FAR2: variants seen among roughly 807,000 people sequenced by gnomAD.
The protein encoded by FAR2 is epididymis secretory protein Li 81.
In FAR2, 19 loss-of-function variants were observed where a neutral mutation model predicts 56.0. That is an observed-to-expected ratio of 0.34 (90% CI 0.24 to 0.50). The LOEUF (loss-of-function observed/expected upper bound fraction) is 0.50, where lower values mean the gene tolerates loss of function less well. Ranked by LOEUF, FAR2 falls within the 20% of genes least tolerant of loss-of-function variation. FAR2 has a pLI of 0.98. For missense variants in FAR2, 508 were observed against 642.2 expected (o/e 0.79, Z 2.26); for synonymous variants, 219 against 218.8 (o/e 1.00, Z -0.01).
At chr12:29,269,320 G>C (rs1948574603) in intron 1 of FAR2, among the ~76,000 whole-genome samples, 1 of 152,174 alleles carries the variant, frequency 6.6e-6, no homozygotes, top group Admixed American at 6.5e-5. Flanking sequence ...TGAAAGAAGA[G>C]AAATATGGCT....
At chr12:29,256,539 G>T (rs933623160) in intron 1 of FAR2, among the ~76,000 whole-genome samples, 7 of 152,218 alleles carry the variant, frequency 4.6e-5, no homozygotes, top group African/African-American at 1.7e-4. Flanking sequence ...TCCCACTTTG[G>T]CGGCACTTGA....
At chr12:29,174,941 C>T (rs764125301) in intron 1 of FAR2, among the ~76,000 whole-genome samples, 8 of 152,256 alleles carry the variant, frequency 5.3e-5, no homozygotes, top group South Asian at 2.1e-4. Flanking sequence ...TGGTGACCCT[C>T]GGCTCAGCCC....
chr12:29,303,150 C>T (rs971246108), intron 4 of FAR2, among the ~76,000 whole-genome samples: 3 of 152,008 alleles, frequency 2.0e-5, no homozygotes, highest in African/African-American at 4.8e-5. Context: ...CTGATTTGCC[C>T]GACTGTTGGA....
intron 1 of FAR2, among the ~76,000 whole-genome samples, chr12:29,223,338 G>A (rs1306594887): frequency 6.6e-6 from 1 of 152,214 alleles, no homozygotes; most frequent in Non-Finnish European, 1.5e-5. Flanking sequence ...ACATAAAACT[G>A]GGAGGTAGGT....
chr12:29,309,247 A>G lies in FAR2; in HGVS notation c.768+17A>G, dbSNP rs751129827. 1 of 1,573,394 alleles carries G rather than the reference A, an allele frequency of 6.4e-7. No homozygotes were observed. The highest frequency in any genetic ancestry group is 1.1e-5 in the South Asian group (1 of 89,492). ...ATTATTGCGGTATGTATAATGATGAAGAAATAACTCCCTGAAATGTAGTAG... is the reference window on the plus strand; with the variant it reads ...ATTATTGCGGTATGTATAATGATGAGGAAATAACTCCCTGAAATGTAGTAG... On this transcript the variant is annotated intron_variant, in intron 6 of 11. Transcript: ENST00000536681.
At chr12:29,268,906 T>C (rs1948565816) in intron 1 of FAR2, among the ~76,000 whole-genome samples, 1 of 151,948 alleles carries the variant, frequency 6.6e-6, no homozygotes, top group Admixed American at 6.6e-5. Flanking sequence ...GGAGGGAGTG[T>C]GCAAATAGGT....
chr12:29,161,799 G>C (rs1420587200), intron 1 of FAR2, among the ~76,000 whole-genome samples: 1 of 152,152 alleles, frequency 6.6e-6, no homozygotes, highest in Non-Finnish European at 1.5e-5. Context: ...CTTATTTTCT[G>C]TCATTTTCAT....
At chr12:29,235,323 G>C (rs1270846533) in intron 1 of FAR2, among the ~76,000 whole-genome samples, 2 of 152,152 alleles carry the variant, frequency 1.3e-5, no homozygotes, top group East Asian at 3.8e-4. Context: ...CAATAGCTGG[G>C]ATTTAATAAG....
chr12:29,217,984 AGAGGAGGAGGAG>A (rs143213052), intron 1 of FAR2, among the ~76,000 whole-genome samples: 7 of 151,298 alleles, frequency 4.6e-5, no homozygotes, highest in Non-Finnish European at 7.4e-5. Flanking sequence ...AAGAAGACAA[AGAGGAGGAGGAG>A]GAGGAGGAGG....
chr12:29,257,026 G>A (rs922360160), intron 1 of FAR2, among the ~76,000 whole-genome samples: 6 of 152,382 alleles, frequency 3.9e-5, no homozygotes, highest in East Asian at 3.9e-4. Flanking sequence ...TGAGGAGTGC[G>A]GGTGCACGGC....
chr12:29,210,707 A>C (rs1162901910), intron 1 of FAR2, among the ~76,000 whole-genome samples: 1 of 152,160 alleles, frequency 6.6e-6, no homozygotes, highest in Non-Finnish European at 1.5e-5. Flanking sequence ...TAATCCCAGC[A>C]CTTTGGGAGG....
intron 1 of FAR2, among the ~76,000 whole-genome samples, chr12:29,175,982 T>A (rs1160116345): frequency 1.3e-5 from 2 of 152,152 alleles, no homozygotes; most frequent in Non-Finnish European, 2.9e-5. Flanking sequence ...ATACCAAAAT[T>A]TAATATCAAA....
At chr12:29,273,315 T>A (rs1296170129) in intron 2 of FAR2, among the ~76,000 whole-genome samples, 3 of 152,230 alleles carry the variant, frequency 2.0e-5, no homozygotes, top group African/African-American at 7.2e-5. Flanking sequence ...AGATCAGAAT[T>A]CTGTTCCTAA....
chr12:29,271,246 G>T lies in FAR2; in HGVS notation c.189+608G>T, dbSNP rs79275708. On this transcript the variant is annotated intron_variant, in intron 2 of 11. Coordinates refer to ENST00000536681, the MANE Select transcript of FAR2 (RefSeq NM_001271783.2). Reference sequence around the variant, plus strand: ...ACCCTCTCTCCTCTCGGAAAAAAAAGACATTATGCATATTCTCTCATGTTT... The same window carrying T: ...ACCCTCTCTCCTCTCGGAAAAAAAATACATTATGCATATTCTCTCATGTTT... Among the ~76,000 whole-genome samples, 763 of 152,260 alleles carry T rather than the reference G, an allele frequency of 5.0e-3. 26 individuals carry two copies. In the East Asian group the frequency reaches 0.072, roughly 14 times the overall value.
At chr12:29,188,603 A>G (rs977853106) in intron 1 of FAR2, among the ~76,000 whole-genome samples, 3 of 152,070 alleles carry the variant, frequency 2.0e-5, no homozygotes, top group Non-Finnish European at 4.4e-5. Context: ...TACTAGCTGA[A>G]CTCAAGGCTT....
At chr12:29,173,225 A>G (rs1949905172) in intron 1 of FAR2, among the ~76,000 whole-genome samples, 1 of 152,188 alleles carries the variant, frequency 6.6e-6, no homozygotes, top group African/African-American at 2.4e-5. Flanking sequence ...GGGTTGGGCC[A>G]AATTCCCCTT....
intron 2 of FAR2, among the ~76,000 whole-genome samples, chr12:29,288,851 CT>C (rs1948914432): frequency 6.6e-6 from 1 of 152,058 alleles, no homozygotes; most frequent in South Asian, 2.1e-4. Context: ...AAATTTGAGT[CT>C]TTTCAATGAA....
At chr12:29,275,196 T>C (rs1948690929) in intron 2 of FAR2, among the ~76,000 whole-genome samples, 1 of 151,602 alleles carries the variant, frequency 6.6e-6, no homozygotes, top group Non-Finnish European at 1.5e-5. Flanking sequence ...GGGGCCGTTT[T>C]ATAGGATTTG....
chr12:29,168,556 G>C (rs1304842645), intron 1 of FAR2, among the ~76,000 whole-genome samples: 1 of 152,210 alleles, frequency 6.6e-6, no homozygotes, highest in African/African-American at 2.4e-5. Context: ...GTGGGTTCTT[G>C]GTTTTGCTGA....
Sources: allele counts gnomAD v4.1 joint callset (sites outside exome capture counted in the v4.1 genomes callset), GRCh38; gene constraint gnomAD v4.1.1; transcripts MANE v1.5; gene names NCBI Gene and HGNC (gene_info 2026-07-23, HGNC 2026-07-21).